FAM163A: variants seen among roughly 807,000 people sequenced by gnomAD.
The protein encoded by FAM163A is protein FAM163A.
A neutral mutation model predicts 12.0 loss-of-function variants in FAM163A; 7 were observed. The ratio of observed to expected loss-of-function variants is 0.58; its 90% CI spans 0.33 to 1.10. The LOEUF (loss-of-function observed/expected upper bound fraction) is 1.10, where lower values mean the gene tolerates loss of function less well. Among genes scored for constraint, FAM163A ranks in the 50% least tolerant of loss-of-function variants. FAM163A has a pLI of 0.03. For synonymous variants in FAM163A, 101 were observed against 91.0 expected (o/e 1.11, Z -0.62); for missense variants, 202 against 218.6 (o/e 0.92, Z 0.48).
At chr1:179,780,156 A>G (rs1374511164) in intron 1 of FAM163A, among the ~76,000 whole-genome samples, 1 of 152,236 alleles carries the variant, frequency 6.6e-6, no homozygotes, top group African/African-American at 2.4e-5. Flanking sequence ...ATAATGGGCC[A>G]AAAGGCACAG....
intron 1 of FAM163A, among the ~76,000 whole-genome samples, chr1:179,750,967 A>T (rs1041861758): frequency 8.5e-5 from 13 of 152,148 alleles, no homozygotes; most frequent in Admixed American, 7.2e-4. Flanking sequence ...GGTGTGGAGG[A>T]TGAGTTCCAG....
At chr1:179,798,986 C>T (rs1692778257) in intron 1 of FAM163A, among the ~76,000 whole-genome samples, 1 of 152,158 alleles carries the variant, frequency 6.6e-6, no homozygotes. Context: ...AGCTAGCTCC[C>T]TCTGGCCCTC....
At chr1:179,809,089 A>T (rs1256335473) in intron 2 of FAM163A, among the ~76,000 whole-genome samples, 2 of 152,134 alleles carry the variant, frequency 1.3e-5, no homozygotes, top group South Asian at 2.1e-4. Context: ...CCTGGGTGAC[A>T]GAGCAAGACC....
chr1:179,804,514 C>G (rs767568226), intron 1 of FAM163A, among the ~76,000 whole-genome samples: 1 of 152,224 alleles, frequency 6.6e-6, no homozygotes, highest in Non-Finnish European at 1.5e-5. Context: ...CATGTGCTCA[C>G]TGCAGCACTG....
At chr1:179,752,511 G>T (rs1039399559) in intron 1 of FAM163A, among the ~76,000 whole-genome samples, 2 of 150,404 alleles carry the variant, frequency 1.3e-5, no homozygotes, top group African/African-American at 4.9e-5. Flanking sequence ...GAGTGAAAAG[G>T]CAGCCTATGG....
intron 1 of FAM163A, among the ~76,000 whole-genome samples, chr1:179,751,932 C>T (rs1238696259): frequency 6.6e-6 from 1 of 152,132 alleles, no homozygotes; most frequent in Non-Finnish European, 1.5e-5. Context: ...ATCCCAACAG[C>T]ATTTTTCACA....
At chr1:179,760,219 T>C (rs1161247608) in intron 1 of FAM163A, among the ~76,000 whole-genome samples, 2 of 152,148 alleles carry the variant, frequency 1.3e-5, no homozygotes, top group African/African-American at 4.8e-5. Flanking sequence ...GCCTCACATA[T>C]ATTGGTCATG....
intron 1 of FAM163A, among the ~76,000 whole-genome samples, chr1:179,744,253 A>T (rs1207055528): frequency 6.6e-6 from 1 of 151,976 alleles, no homozygotes; most frequent in Non-Finnish European, 1.5e-5. Flanking sequence ...GGGCGACCGC[A>T]CTCCGATTCC....
intron 1 of FAM163A, among the ~76,000 whole-genome samples, chr1:179,765,339 G>A (rs1447266289): frequency 2.6e-5 from 4 of 152,212 alleles, no homozygotes; most frequent in African/African-American, 9.7e-5. Flanking sequence ...CTGAGGTGGG[G>A]CCCACAATTT....
At chr1:179,805,760 C>T (rs144444921) in intron 1 of FAM163A, among the ~76,000 whole-genome samples, 6 of 152,260 alleles carry the variant, frequency 3.9e-5, no homozygotes, top group African/African-American at 9.6e-5. Flanking sequence ...GATCGAAATT[C>T]GGGGTTCTTA....
chr1:179,807,534 C>T (rs1169904867), intron 1 of FAM163A, among the ~76,000 whole-genome samples: 11 of 152,210 alleles, frequency 7.2e-5, no homozygotes, highest in African/African-American at 2.7e-4. Context: ...AGCATCCTGC[C>T]GCTGCCCTGG....
intron 1 of FAM163A, among the ~76,000 whole-genome samples, chr1:179,780,440 A>G (rs1295000513): frequency 2.0e-5 from 3 of 152,230 alleles, no homozygotes; most frequent in African/African-American, 7.2e-5. Context: ...CAGTTAGCCT[A>G]AAGAAGTGAA....
intron 1 of FAM163A, among the ~76,000 whole-genome samples, chr1:179,793,728 G>T (rs1404734805): frequency 6.6e-6 from 1 of 152,196 alleles, no homozygotes; most frequent in Non-Finnish European, 1.5e-5. Context: ...AAAGCAAAAT[G>T]AACAGAAGAC....
At chr1:179,787,184 A>C (rs1254631122) in intron 1 of FAM163A, among the ~76,000 whole-genome samples, 2 of 152,238 alleles carry the variant, frequency 1.3e-5, no homozygotes, top group Admixed American at 6.5e-5. Context: ...CCAGTTCCTA[A>C]GCAATCTCTT....
chr1:179,786,660 A>G (rs1690679234), intron 1 of FAM163A, among the ~76,000 whole-genome samples: 1 of 152,208 alleles, frequency 6.6e-6, no homozygotes, highest in Non-Finnish European at 1.5e-5. Flanking sequence ...CAAGTATTAT[A>G]CCCATTAACA....
chr1:179,794,959 A>G (rs1357166013), intron 1 of FAM163A, among the ~76,000 whole-genome samples: 1 of 152,160 alleles, frequency 6.6e-6, no homozygotes, highest in African/African-American at 2.4e-5. Flanking sequence ...CCCAACTCCA[A>G]GGCCTGGGCT....
intron 1 of FAM163A, among the ~76,000 whole-genome samples, chr1:179,766,912 C>T (rs768735064): frequency 3.9e-5 from 6 of 152,098 alleles, no homozygotes; most frequent in Non-Finnish European, 5.9e-5. Context: ...CATGCCACCA[C>T]GCTCGGCTAA....
At chr1:179,794,572 C>A (rs562668811) in intron 1 of FAM163A, among the ~76,000 whole-genome samples, 4 of 152,264 alleles carry the variant, frequency 2.6e-5, no homozygotes, top group Non-Finnish European at 5.9e-5. Flanking sequence ...AACCAAAAAT[C>A]ATTATAACAA....
At chr1:179,750,197 A>G (rs1261363731) in intron 1 of FAM163A, among the ~76,000 whole-genome samples, 1 of 152,198 alleles carries the variant, frequency 6.6e-6, no homozygotes, top group Non-Finnish European at 1.5e-5. Context: ...AGATGTCAGC[A>G]AGTGTTTACT....
Sources: gnomAD v4.1 joint callset for allele counts (sites outside exome capture counted in the v4.1 genomes callset) on GRCh38, gnomAD v4.1.1 for gene constraint, MANE v1.5 for transcripts, NCBI Gene and HGNC (gene_info 2026-07-23, HGNC 2026-07-21) for gene names.